Variants in MTERF1 observed in about 807,000 individuals in gnomAD.
MTERF1 encodes mitochondrial transcription termination factor 1.
MTERF1 carries 29 observed loss-of-function variants against 31.6 expected under a neutral mutation model. The observed-to-expected ratio is 0.92, with a 90% CI of 0.68 to 1.25. The LOEUF is 1.25. MTERF1 is among the 50% of genes most tolerant of loss of function. The probability of loss-of-function intolerance (pLI) is 0.00; values close to 1 mark genes in which losing one functional copy is unlikely to be tolerated. For synonymous variants in MTERF1, 152 were observed against 164.1 expected (o/e 0.93, Z 0.57); for missense variants, 500 against 469.1 (o/e 1.07, Z -0.61).
At chr7:91,875,597 T>A (rs192262952) in intron 2 of MTERF1, among the ~76,000 whole-genome samples, 292 of 152,276 alleles carry the variant, frequency 1.9e-3, no homozygotes, top group African/African-American at 6.6e-3. Context: ...TGCCTCATAT[T>A]TCAATTTTCC....
At chr7:91,878,142 T>C (rs1397038939) in intron 2 of MTERF1, among the ~76,000 whole-genome samples, 1 of 152,234 alleles carries the variant, frequency 6.6e-6, no homozygotes, top group African/African-American at 2.4e-5. Context: ...GATAATTTAT[T>C]ACTAAGGAAT....
At chr7:91,878,432 A>G (rs1272178654) in intron 2 of MTERF1, among the ~76,000 whole-genome samples, 2 of 152,240 alleles carry the variant, frequency 1.3e-5, no homozygotes, top group African/African-American at 4.8e-5. Context: ...GAGGAAACAG[A>G]GGAAATTCTC....
At chr7:91,879,922 C>A in intron 2 of MTERF1, 133 bp downstream of exon 2, 1 of 990,512 alleles carries the variant, frequency 1.0e-6, no homozygotes. Flanking sequence ...ACGTTCGCCT[C>A]TGCCCCACAA....
rs572885540 is a variant in MTERF1, at chr7:91,879,981, A to C, written c.29+74T>G. ...ATGGAAATAACTAATCACTGGCCCT[A>C]AAATACCACATTCCAGCTGGTCTTC... On this transcript the variant is annotated intron_variant, in intron 2 of 2. Transcript: ENST00000351870. 5 of 1,570,328 alleles carry C rather than the reference A, an allele frequency of 3.2e-6. No individual in the cohort carries two copies. In the South Asian group the frequency reaches 5.6e-5, roughly 18 times the overall value.
At position 91,874,310 on chromosome 7, in the gene MTERF1, G is replaced by A. The variant is rs1322509194; in HGVS notation, c.484C>T (p.Arg162Cys). 3.7e-6 allele frequency: 6 copies of A among 1,613,932 alleles called. No individual in the cohort carries two copies. The highest frequency in any genetic ancestry group is 3.3e-5 in the Admixed American group (2 of 59,970). Residue 162 changes from arginine to cysteine, a missense_variant, in exon 3 of 3, where the codon CGT (arginine) becomes TGT (cysteine). Transcript: ENST00000351870. The stretch of plus-strand genomic sequence containing the variant: ...GACCGAAAAAAGGATTCAGGAGAAC[G>A]TTCCAAAATATTTACAATTTCAAGG... ...SDLEIVNILE[R>C]SPESFFRSNN...
rs1431559113 is a variant in MTERF1 at position 91,873,878 on chromosome 7, T to C, written c.916A>G (p.Thr306Ala). The C allele has an allele frequency of 6.2e-7, 1 of 1,614,110 alleles. No homozygotes were observed. The highest frequency in any genetic ancestry group is 1.7e-5 in the Admixed American group (1 of 60,002). The change falls in exon 3 of 3, where the codon ACT becomes GCT. Residue 306 changes from threonine (T) to alanine (A), a missense_variant. By Grantham distance (58) the Thr-to-Ala change is moderately conservative. Coordinates refer to ENST00000351870, the MANE Select transcript of MTERF1 (RefSeq NM_006980.5). Reference sequence around the variant, plus strand: ...ACAAACTTCTGTACCTCTTCTTCAGTACATCCAAGAGAAAACAGCTTCTCT... The same window carrying C: ...ACAAACTTCTGTACCTCTTCTTCAGCACATCCAAGAGAAAACAGCTTCTCT... ...IKEKLFSLGC[T>A]EEEVQKFVLS...
Position 91,874,169 on chromosome 7 carries a change from C to A in MTERF1, c.625G>T (p.Asp209Tyr). 1 of 1,614,140 alleles carries A rather than the reference C, an allele frequency of 6.2e-7. No homozygotes were observed. The highest frequency in any genetic ancestry group is 8.5e-7 in the Non-Finnish European group (1 of 1,180,024). ...AATTCAACCATCTGTTTATTCAGAT[C>A]AAGACTATTGGAGAAGGTACGAGGG... Reference protein sequence around the residue: ...NAPRTFSNSLDLNKQMVEFLQ... With the variant: ...NAPRTFSNSLYLNKQMVEFLQ... The change falls in exon 3 of 3, where the codon GAT becomes TAT. Residue 209 changes from aspartate (D) to tyrosine (Y), a missense_variant. By Grantham distance (160) the Asp-to-Tyr change is radical (BLOSUM62 -3). Coordinates refer to ENST00000351870, the MANE Select transcript of MTERF1 (RefSeq NM_006980.5).
At position 91,874,726 on chromosome 7, in the gene MTERF1, G is replaced by C. The variant is rs1207471775; in HGVS notation, c.68C>G (p.Pro23Arg). The stretch of plus-strand genomic sequence containing the variant: ...ATTTCTCATATGCCAGAGGTTTCCT[G>C]GTGCCATAATGGTTAGGTAGTTCAA... ...KGLNYLTIMA[P>R]GNLWHMRNNF... is the part of the protein sequence containing the mutation. The change falls in exon 3 of 3, where the codon CCA (proline) becomes CGA (arginine). Residue 23 changes from proline (P) to arginine (R), a missense_variant. By Grantham distance (103) the Pro-to-Arg change is moderately radical (BLOSUM62 -2). Coordinates refer to ENST00000351870, the MANE Select transcript of MTERF1 (RefSeq NM_006980.5). The C allele has an allele frequency of 6.2e-7, 1 of 1,613,310 alleles. No individual in the cohort carries two copies. Among genetic ancestry groups the C allele is most frequent in the African/African-American group, 1.3e-5 (1 of 74,944 alleles).
At chr7:91,875,536 T>A (rs569479039) in intron 2 of MTERF1, among the ~76,000 whole-genome samples, 3 of 152,222 alleles carry the variant, frequency 2.0e-5, no homozygotes, top group African/African-American at 4.8e-5. Flanking sequence ...ATTACAGGTG[T>A]GAGCCACCAT....
At chr7:91,878,904 TATA>T (rs1311735662) in intron 2 of MTERF1, among the ~76,000 whole-genome samples, 1 of 152,130 alleles carries the variant, frequency 6.6e-6, no homozygotes, top group African/African-American at 2.4e-5. Flanking sequence ...GCTTCACACC[TATA>T]ATCTCACCAC....
In MTERF1 at chr7:91,873,843, A is replaced by G. The variant is rs1267218115; in HGVS notation, c.951T>C (p.Tyr317=). ...TCTCTGCCAAGAAGATCACATCTGG[A>G]TAGCTTAAGACAAACTTCTGTACCT... ...EEEVQKFVLS[Y]PDVIFLAEKK... Residue 317 remains tyrosine (Y), a synonymous_variant, in exon 3 of 3, where the codon TAT becomes TAC. Coordinates refer to ENST00000351870, the MANE Select transcript of MTERF1 (RefSeq NM_006980.5). 3 of 1,614,140 alleles carry G rather than the reference A, an allele frequency of 1.9e-6. No individual in the cohort carries two copies. Among genetic ancestry groups the G allele is most frequent in the East Asian group, 4.5e-5 (2 of 44,884 alleles).
At position 91,873,852 on chromosome 7, in the gene MTERF1, G is replaced by C. The variant is rs762359462; in HGVS notation, c.942C>G (p.Val314=). 21 of 1,613,892 alleles carry C rather than the reference G, an allele frequency of 1.3e-5. No individual in the cohort carries two copies. In the South Asian group the frequency reaches 1.5e-4, roughly 12 times the overall value. The change falls in exon 3 of 3, where the codon GTC becomes GTG. Residue 314 remains valine, a synonymous_variant. Transcript: ENST00000351870. ...AGAAGATCACATCTGGATAGCTTAA[G>C]ACAAACTTCTGTACCTCTTCTTCAG... is the stretch of plus-strand genomic sequence containing the variant. ...GCTEEEVQKF[V]LSYPDVIFLA...
chr7:91,875,797 T>C (rs545672357), intron 2 of MTERF1, among the ~76,000 whole-genome samples: 2 of 152,354 alleles, frequency 1.3e-5, no homozygotes, highest in African/African-American at 4.8e-5. Flanking sequence ...TTAGCTTATA[T>C]AGACCTCTAG....
intron 1 of MTERF1, chr7:91,880,350 A>C: frequency 2.3e-6 from 1 of 444,198 alleles, no homozygotes; most frequent in Non-Finnish European, 4.0e-6. Context: ...TAAGTGCTTC[A>C]TATATATTGT....
rs751842790 is a variant in MTERF1 at position 91,873,675 on chromosome 7, C to A, written c.1119G>T (p.Leu373Phe). Reference sequence around the variant, plus strand: ...ATAGAAGAGTGATGTTTAAAGTACTCAAGTTACAGCCAGCATTTACCAATT... The same window carrying A: ...ATAGAAGAGTGATGTTTAAAGTACTAAAGTTACAGCCAGCATTTACCAATT... ...IKELVNAGCN[L>F]STLNITLLSW... Residue 373 changes from leucine (L) to phenylalanine (F), a missense_variant, in exon 3 of 3, where the codon TTG (leucine) becomes TTT (phenylalanine). By Grantham distance (22) the Leu-to-Phe change is conservative (BLOSUM62 0). Coordinates refer to ENST00000351870, the MANE Select transcript of MTERF1 (RefSeq NM_006980.5). The A allele has an allele frequency of 4.6e-5, 75 of 1,613,916 alleles. No individual in the cohort carries two copies. The highest frequency in any genetic ancestry group is 1.0e-4 in the Admixed American group (6 of 59,972).
chr7:91,874,345 A>C lies in MTERF1; in HGVS notation c.449T>G (p.Val150Gly), dbSNP rs776633473. The change falls in exon 3 of 3, where the codon GTG (valine) becomes GGG (glycine). Residue 150 changes from valine (V) to glycine (G), a missense_variant. Physicochemically the swap from Val to Gly is moderately radical, Grantham distance 109. Coordinates refer to ENST00000351870, the MANE Select transcript of MTERF1 (RefSeq NM_006980.5). ...SKRWDLWRKI[V>G]TSDLEIVNIL... Reference sequence around the variant, plus strand: ...ATTTACAATTTCAAGGTCTGATGTCACAATCTTTCTCCACAGATCCCACCG... The same window carrying C: ...ATTTACAATTTCAAGGTCTGATGTCCCAATCTTTCTCCACAGATCCCACCG... 1.7e-5 allele frequency: 28 copies of C among 1,614,170 alleles called. No individual in the cohort carries two copies. The highest frequency in any genetic ancestry group is 2.4e-5 in the Non-Finnish European group (28 of 1,180,018).
chr7:91,873,523 C>A lies in MTERF1; in HGVS notation c.*71G>T. 1 of 1,315,968 alleles carries A rather than the reference C, an allele frequency of 7.6e-7. No homozygotes were observed. The highest frequency in any genetic ancestry group is 1.0e-6 in the Non-Finnish European group (1 of 970,836). 81.5% of individuals were successfully genotyped at this position (1,315,968 alleles called of 1,614,324 possible). A position where few individuals can be genotyped will look rare whatever the true frequency, so the allele number is the denominator to read the frequency against. On this transcript the variant is annotated 3_prime_UTR_variant, in exon 3 of 3. Transcript: ENST00000351870. ...CCTTAATAACATTTTAAATTAATCA[C>A]TTCTGCAAAATTCTTTTGCAATGTG...
Position 91,874,702 on chromosome 7 carries a change from T to C in MTERF1, c.92A>G (p.Asn31Ser). The C allele has an allele frequency of 2.5e-6, 4 of 1,614,100 alleles. No individual in the cohort carries two copies. The highest frequency in any genetic ancestry group is 3.4e-6 in the Non-Finnish European group (4 of 1,180,000). The change falls in exon 3 of 3, where the codon AAT becomes AGT. Residue 31 changes from asparagine to serine, a missense_variant. By Grantham distance (46) the Asn-to-Ser change is conservative. Transcript: ENST00000351870. ...ACATCTTGAACCAAAGAGAAAGTTATTTCTCATATGCCAGAGGTTTCCTGG... is the reference window on the plus strand; with the variant it reads ...ACATCTTGAACCAAAGAGAAAGTTACTTCTCATATGCCAGAGGTTTCCTGG... ...MAPGNLWHMR[N>S]NFLFGSRCWM...
In MTERF1 at chr7:91,873,586, T is replaced by C. The variant is rs1357110732; in HGVS notation, c.*8A>G. The C allele has an allele frequency of 4.4e-6, 7 of 1,584,338 alleles. No individual in the cohort carries two copies. Among genetic ancestry groups the C allele is most frequent in the Non-Finnish European group, 5.1e-6 (6 of 1,167,386 alleles). ...CACAGTTCCTGAGAATTAAAAACAT[T>C]GGCATCCTTAGGCAAATCTGCTTAA... On this transcript the variant is annotated 3_prime_UTR_variant, in exon 3 of 3. Transcript: ENST00000351870.
Sources: gnomAD v4.1 joint callset for allele counts (sites outside exome capture counted in the v4.1 genomes callset) on GRCh38, gnomAD v4.1.1 for gene constraint, MANE v1.5 for transcripts, NCBI Gene and HGNC (gene_info 2026-07-23, HGNC 2026-07-21) for gene names.